WDR38: variants seen among roughly 807,000 people sequenced by gnomAD.
WDR38 encodes WD repeat domain 38, also known as WD repeat-containing protein 38.
WDR38 carries 37 observed loss-of-function variants against 36.6 expected under a neutral mutation model. The observed-to-expected ratio is 1.01, with a 90% CI of 0.78 to 1.33. The LOEUF is 1.33. WDR38 is among the 40% of genes most tolerant of loss of function. WDR38 has a pLI of 0.00. For missense variants in WDR38, 411 were observed against 414.6 expected (o/e 0.99, Z 0.07); for synonymous variants, 164 against 168.1 (o/e 0.98, Z 0.19).
Position 124,855,616 on chromosome 9 carries a change from C to G in WDR38, c.191-18C>G. ...TGGCGGGCAGTGCTCTGTCCCCTGACTGTGGCCACCCGCCCAGGCCCCGTG... is the reference window on the plus strand; with the variant it reads ...TGGCGGGCAGTGCTCTGTCCCCTGAGTGTGGCCACCCGCCCAGGCCCCGTG... On this transcript the variant is annotated intron_variant, in intron 2 of 8. Transcript: ENST00000373574. 1.9e-6 allele frequency: 3 copies of G among 1,603,860 alleles called. No individual in the cohort carries two copies. Among genetic ancestry groups the G allele is most frequent in the Non-Finnish European group, 2.5e-6 (3 of 1,178,796 alleles).
chr9:124,854,679 T>C (rs1446851259), intron 2 of WDR38, among the ~76,000 whole-genome samples: 1 of 152,142 alleles, frequency 6.6e-6, no homozygotes, highest in African/African-American at 2.4e-5. Flanking sequence ...ATTCTCTGCC[T>C]CAGCCTCTCG....
rs544368328 is a variant in WDR38, at chr9:124,856,245, C to A, written c.411C>A (p.Gly137=). 12 of 1,614,184 alleles carry A rather than the reference C, an allele frequency of 7.4e-6. No homozygotes were observed. In the African/African-American group the frequency reaches 1.5e-4, roughly 20 times the overall value. Residue 137 remains glycine, a synonymous_variant, in exon 5 of 9, where the codon GGC becomes GGA. Coordinates refer to ENST00000373574, the MANE Select transcript of WDR38 (RefSeq NM_001045476.3). ...CAGCTCAGGGCTCTCTCTAGTCCGG[C>A]CAGATGCTGCGCCTCTTAGTTGGGC... ...KRVMLWDVQS[G]QMLRLLVGHR... is the part of the protein sequence containing the mutation.
In WDR38 at chr9:124,856,750, A is replaced by G. The variant is rs765648861; in HGVS notation, c.637A>G (p.Lys213Glu). The G allele has an allele frequency of 1.2e-6, 2 of 1,614,214 alleles. No individual in the cohort carries two copies. Among genetic ancestry groups the G allele is most frequent in the South Asian group, 2.2e-5 (2 of 91,090 alleles). The stretch of plus-strand genomic sequence containing the variant: ...TGTCCAGGCATCCGGCTCCTGGGAC[A>G]AGACCATCCACATCTGGAAGCCCAC... ...SGLLASGSWD[K>E]TIHIWKPTTS... The change falls in exon 7 of 9, where the codon AAG (lysine) becomes GAG (glutamate). Residue 213 changes from lysine (K) to glutamate (E), a missense_variant. Lys to Glu is a moderately conservative substitution (Grantham distance 56). Transcript: ENST00000373574.
Sources: gnomAD v4.1 joint callset for allele counts (sites outside exome capture counted in the v4.1 genomes callset) on GRCh38, gnomAD v4.1.1 for gene constraint, MANE v1.5 for transcripts, NCBI Gene and HGNC (gene_info 2026-07-23, HGNC 2026-07-21) for gene names.